APOL4: variants seen among roughly 807,000 people sequenced by gnomAD.
APOL4 encodes apolipoprotein L4, also known as apolipoprotein L, 4.
APOL4 carries 14 observed loss-of-function variants against 12.1 expected under a neutral mutation model. That is an observed-to-expected ratio of 1.16 (90% CI 0.76 to 1.81). APOL4 has a LOEUF of 1.81. Among genes scored for constraint, APOL4 ranks in the 40% most tolerant of loss-of-function variants. The pLI is 0.00. For synonymous variants in APOL4, 171 were observed against 160.6 expected, an observed-to-expected ratio of 1.06 and a Z score of -0.49; for missense variants, 432 against 423.1, an observed-to-expected ratio of 1.02 and a Z score of -0.18.
chr22:36,203,618 G>A (rs1228692673), upstream of APOL4, among the ~76,000 whole-genome samples: 2 of 152,176 alleles, frequency 1.3e-5, no homozygotes, highest in Non-Finnish European at 2.9e-5. Context: ...GAAACAGGAC[G>A]TGAAGCTAGA....
chr22:36,197,785 C>T (rs1310821376), intron 2 of APOL4: 15 of 1,550,158 alleles, frequency 9.7e-6, no homozygotes, highest in Middle Eastern at 1.7e-4. Flanking sequence ...GAAGGAGCTG[C>T]TGTAACCAGC....
In APOL4 at chr22:36,191,444, C is replaced by T. The variant is rs750148218; in HGVS notation, c.678G>A (p.Val226=). 1.9e-6 allele frequency: 3 copies of T among 1,614,074 alleles called. No homozygotes were observed. In the Admixed American group the frequency reaches 5.0e-5, roughly 27 times the overall value. Reference sequence around the variant, plus strand: ...CGTCAAAATCAAGTGCAAAAGAAAGCACATTGGGTGTGATGTCACGCAGAA... The same window carrying T: ...CGTCAAAATCAAGTGCAAAAGAAAGTACATTGGGTGTGATGTCACGCAGAA... The part of the protein sequence containing the change: ...RDILRDITPN[V]LSFALDFDEA... The change falls in exon 4 of 4, where the codon GTG becomes GTA. Residue 226 remains valine (V), a synonymous_variant. Transcript: ENST00000683024.
upstream of APOL4, chr22:36,202,208 G>A (rs2014603766): frequency 1.0e-6 from 1 of 1,001,954 alleles, no homozygotes; most frequent in Non-Finnish European, 1.5e-6. Context: ...CTGGGCTCAA[G>A]TGATCTTCCT....
Position 36,191,583 on chromosome 22 carries a change from G to A in APOL4, c.539C>T (p.Ala180Val). 2 of 1,613,618 alleles carry A rather than the reference G, an allele frequency of 1.2e-6. No individual in the cohort carries two copies. Among genetic ancestry groups the A allele is most frequent in the Non-Finnish European group, 1.7e-6 (2 of 1,179,690 alleles). Residue 180 changes from alanine (A) to valine (V), a missense_variant, in exon 4 of 4, where the codon GCC (alanine) becomes GTC (valine). Ala to Val is a moderately conservative substitution (Grantham distance 64). Transcript: ENST00000683024. ...GATGCTGGAGGCGATCCCAGCCGTG[G>A]CAGATGCTATTCCCAGCCCTACCCC... ...AAGVGLGIAS[A>V]TAGIASSIVE...
upstream of APOL4, among the ~76,000 whole-genome samples, chr22:36,202,639 T>C (rs1032786324): frequency 6.6e-6 from 1 of 150,924 alleles, no homozygotes; most frequent in Non-Finnish European, 1.5e-5. Flanking sequence ...GGCAGGAGAA[T>C]GGTGTGAACC....
At chr22:36,201,453 G>A in intron 1 of APOL4, 1 of 870,904 alleles carries the variant, frequency 1.1e-6, no homozygotes, top group South Asian at 2.0e-5. Context: ...CATGCAACAA[G>A]GGTAAAAGGG....
chr22:36,195,560 A>G (rs1303637050), intron 2 of APOL4, 123 bp from the exon 3 acceptor site: 1 of 1,105,240 alleles, frequency 9.0e-7, no homozygotes, highest in Non-Finnish European at 1.3e-6. Flanking sequence ...TTTTTGATGG[A>G]GGCACCAGTG....
chr22:36,197,691 A>G (rs1317377412), intron 2 of APOL4: 2 of 1,550,540 alleles, frequency 1.3e-6, no homozygotes, highest in Non-Finnish European at 1.7e-6. Context: ...CAGCCAGCTG[A>G]CAGAGGGCCA....
intron 2 of APOL4, among the ~76,000 whole-genome samples, chr22:36,199,031 C>T (rs975130709): frequency 2.6e-5 from 4 of 152,218 alleles, no homozygotes; most frequent in Admixed American, 6.5e-5. Flanking sequence ...TTCCATTTCC[C>T]CAAGGCTGTC....
intron 1 of APOL4, 161 bp from the exon 2 acceptor site, chr22:36,199,537 C>G (rs778166245): frequency 2.5e-6 from 4 of 1,590,106 alleles, no homozygotes; most frequent in Non-Finnish European, 8.6e-7. Flanking sequence ...CCATCATCTG[C>G]TATTTACAGA....
At chr22:36,197,585 C>T in intron 2 of APOL4, 1 of 1,476,918 alleles carries the variant, frequency 6.8e-7, no homozygotes, top group Non-Finnish European at 9.0e-7. Context: ...AGCTGTAACC[C>T]CCCATGAAAC....
intron 3 of APOL4, among the ~76,000 whole-genome samples, chr22:36,194,387 T>C (rs749067401): frequency 1.2e-4 from 19 of 152,208 alleles, no homozygotes; most frequent in Non-Finnish European, 2.5e-4. Context: ...TTACATTTCA[T>C]GCTCTCAGTG....
At chr22:36,199,617 G>T in intron 1 of APOL4, 1 of 1,552,618 alleles carries the variant, frequency 6.4e-7, no homozygotes, top group South Asian at 1.2e-5. Context: ...TCCTGTTGGA[G>T]AATGAGGAGA....
chr22:36,201,356 C>T (rs1359241390), intron 1 of APOL4, among the ~76,000 whole-genome samples: 2 of 150,476 alleles, frequency 1.3e-5, no homozygotes, highest in South Asian at 2.1e-4. Context: ...CTAAAGCCCC[C>T]TCCTCAAAAG....
At chr22:36,199,432 G>A (rs2014504948) in intron 1 of APOL4, 56 bp from the exon 2 acceptor site, 3 of 1,613,574 alleles carry the variant, frequency 1.9e-6, no homozygotes, top group Non-Finnish European at 2.5e-6. Flanking sequence ...ATGGGCAAAG[G>A]GAGGCTTGAA....
chr22:36,203,314 C>A (rs924515368), upstream of APOL4, among the ~76,000 whole-genome samples: 1 of 152,142 alleles, frequency 6.6e-6, no homozygotes, highest in African/African-American at 2.4e-5. Flanking sequence ...ATTTATTATT[C>A]AGTTTAGTGA....
chr22:36,199,831 C>T (rs971500022), intron 1 of APOL4, among the ~76,000 whole-genome samples: 3 of 151,424 alleles, frequency 2.0e-5, no homozygotes, highest in Non-Finnish European at 2.9e-5. Flanking sequence ...TTTTTTGAGA[C>T]GGAGTCTCGC....
chr22:36,202,204 T>C (rs1379536851), upstream of APOL4: 5 of 1,028,466 alleles, frequency 4.9e-6, no homozygotes, highest in Non-Finnish European at 1.4e-6. Flanking sequence ...TCTGCTGGGC[T>C]CAAGTGATCT....
intron 1 of APOL4, 103 bp from the exon 2 acceptor site, chr22:36,199,479 A>G: frequency 6.2e-7 from 1 of 1,613,414 alleles, no homozygotes; most frequent in Non-Finnish European, 8.5e-7. Flanking sequence ...AGGTGGCAGC[A>G]AATGCCAAGA....
Sources: gnomAD v4.1 joint callset for allele counts (sites outside exome capture counted in the v4.1 genomes callset) on GRCh38, gnomAD v4.1.1 for gene constraint, MANE v1.5 for transcripts, NCBI Gene and HGNC (gene_info 2026-07-23, HGNC 2026-07-21) for gene names.